OTOF: variants seen among roughly 807,000 people sequenced by gnomAD.
The protein encoded by OTOF is fer-1-like family member 2.
A neutral mutation model predicts 236.8 loss-of-function variants in OTOF; 218 were observed. That is an observed-to-expected ratio of 0.92 (90% CI 0.82 to 1.03). OTOF has a LOEUF of 1.03. Among genes scored for constraint, OTOF ranks in the 50% least tolerant of loss-of-function variants. The pLI is 0.00. For missense variants in OTOF, 2,590 were observed against 2,694.4 expected (o/e 0.96, Z 0.86); for synonymous variants, 1,041 against 1,072.5 (o/e 0.97, Z 0.57).
chr2:26,554,707 AG>A (rs1426470527), intron 1 of OTOF, among the ~76,000 whole-genome samples: 1 of 147,786 alleles, frequency 6.8e-6, no homozygotes. Flanking sequence ...GAGGTGTAAA[AG>A]GGTGTGGTAT....
intron 30 of OTOF, 54 bp downstream of exon 30, chr2:26,472,465 T>A: frequency 1.2e-6 from 2 of 1,610,186 alleles, no homozygotes; most frequent in Non-Finnish European, 8.5e-7. Context: ...ACAGGATGTG[T>A]CACACGAAGT....
intron 1 of OTOF, among the ~76,000 whole-genome samples, chr2:26,557,684 G>A (rs1398972278): frequency 1.3e-5 from 2 of 151,952 alleles, no homozygotes; most frequent in African/African-American, 4.8e-5. Context: ...GGTCCTTCGG[G>A]TATTAGCTGA....
chr2:26,478,160 G>T, intron 18 of OTOF: 1 of 658,640 alleles, frequency 1.5e-6, no homozygotes, highest in Non-Finnish European at 2.2e-6. Flanking sequence ...AGATGCCTGG[G>T]GGAAGAGGGA....
At chr2:26,541,541 G>A (rs1225095630) in intron 1 of OTOF, among the ~76,000 whole-genome samples, 1 of 152,206 alleles carries the variant, frequency 6.6e-6, no homozygotes, top group African/African-American at 2.4e-5. Flanking sequence ...TTTCAGGAGG[G>A]TATGTACAAA....
chr2:26,532,095 A>C (rs1666964262), intron 2 of OTOF, among the ~76,000 whole-genome samples: 3 of 57,646 alleles, frequency 5.2e-5, no homozygotes, highest in Non-Finnish European at 1.7e-4. Flanking sequence ...TCCACCTCAA[A>C]AAAAAAAAAA....
At chr2:26,491,892 A>G (rs1260965163) in intron 9 of OTOF, among the ~76,000 whole-genome samples, 2 of 152,212 alleles carry the variant, frequency 1.3e-5, no homozygotes, top group East Asian at 3.8e-4. Flanking sequence ...TCTGCAATCA[A>G]ATTCCTGTTA....
chr2:26,539,989 A>G (rs4290615), intron 1 of OTOF, among the ~76,000 whole-genome samples: 147,223 of 152,292 alleles, frequency 0.97, 71,355 homozygotes, highest in East Asian at 1. Context: ...GCTGGAGTGC[A>G]GTAGTGTAAT....
Position 26,519,197 on chromosome 2 carries a change from G to A in OTOF, c.228-88C>T, listed in dbSNP as rs551502582. The A allele has an allele frequency of 4.8e-5, 44 of 920,232 alleles. No individual in the cohort carries two copies. In the African/African-American group the frequency reaches 6.5e-4, roughly 14 times the overall value. The allele number at this position is 920,232 out of a possible 1,614,324, so 57.0% of individuals were successfully genotyped here. A position where few individuals can be genotyped will look rare whatever the true frequency, so the allele number is the denominator to read the frequency against. On this transcript the variant is annotated intron_variant, in intron 3 of 46. Coordinates refer to ENST00000272371, the MANE Select transcript of OTOF (RefSeq NM_194248.3). ...ACATCCCAAGGGCTGTGACTGCTTGGGGAGGACTCAGGTGGGCTTGCTCCA... is the reference window on the plus strand; with the variant it reads ...ACATCCCAAGGGCTGTGACTGCTTGAGGAGGACTCAGGTGGGCTTGCTCCA...
At chr2:26,519,204 C>T in intron 3 of OTOF, 95 bp from the exon 4 acceptor site, 3 of 846,222 alleles carry the variant, frequency 3.5e-6, no homozygotes, top group Non-Finnish European at 5.8e-6. Context: ...TTGGGGAGGA[C>T]TCAGGTGGGC....
chr2:26,475,927 C>T lies in OTOF; in HGVS notation c.2978G>A (p.Ser993Asn), dbSNP rs1665235664. The change falls in exon 24 of 47, where the codon AGT becomes AAT. Residue 993 changes from serine to asparagine, a missense_variant. Transcript: ENST00000272371. Reference protein sequence around the residue: ...PFARVFFINQSQCTEVLNETL... With the variant: ...PFARVFFINQNQCTEVLNETL... ...CCAGGCCCTCACCTCTGTGCACTGA[C>T]TCTGATTGATGAAGAAGACGCGGGC... is the stretch of plus-strand genomic sequence containing the variant. 1 of 1,609,162 alleles carries T rather than the reference C, an allele frequency of 6.2e-7. No individual in the cohort carries two copies. Among genetic ancestry groups the T allele is most frequent in the Non-Finnish European group, 8.5e-7 (1 of 1,178,272 alleles).
At chr2:26,466,164 C>T in intron 36 of OTOF, 88 bp from the exon 37 acceptor site, 1 of 1,533,936 alleles carries the variant, frequency 6.5e-7, no homozygotes, top group Non-Finnish European at 9.0e-7. Context: ...GGTCCTATGA[C>T]AGTGAAGGGC....
chr2:26,494,393 A>G (rs1665924188), intron 9 of OTOF, among the ~76,000 whole-genome samples: 1 of 152,268 alleles, frequency 6.6e-6, no homozygotes, highest in South Asian at 2.1e-4. Flanking sequence ...AAGAGGGCAG[A>G]ACCCCACTAG....
At chr2:26,528,230 C>A (rs946556565) in intron 2 of OTOF, among the ~76,000 whole-genome samples, 1 of 152,234 alleles carries the variant, frequency 6.6e-6, no homozygotes, top group Non-Finnish European at 1.5e-5. Context: ...CACAGCGCTG[C>A]TTCCATGGCC....
At chr2:26,526,327 ATGGATAAATGGG>A (rs1367180415) in intron 3 of OTOF, among the ~76,000 whole-genome samples, 1 of 151,888 alleles carries the variant, frequency 6.6e-6, no homozygotes, top group Non-Finnish European at 1.5e-5. Context: ...GAATGGATAG[ATGGATAAATGGG>A]TGGATAAATG....
Position 26,473,217 on chromosome 2 carries a change from T to C in OTOF, c.3648A>G (p.Thr1216=). ...VVDCRAFGRY[T]LVGSHAVSSL... ...AGCTGACGGCATGGGAGCCCACCAG[T>C]GTGTAGCGACCGAAGGCCCGGCAGT... is the stretch of plus-strand genomic sequence containing the variant. Residue 1216 remains threonine, a synonymous_variant, in exon 29 of 47, where the codon ACA becomes ACG. Transcript: ENST00000272371. The surrounding 1 kb of genome is among the most constrained non-coding windows in gnomAD (Gnocchi z 7.2). 1 of 1,612,952 alleles carries C rather than the reference T, an allele frequency of 6.2e-7. No homozygotes were observed. The highest frequency in any genetic ancestry group is 8.5e-7 in the Non-Finnish European group (1 of 1,179,892).
At chr2:26,522,694 T>C (rs759212756) in intron 3 of OTOF, among the ~76,000 whole-genome samples, 7 of 152,218 alleles carry the variant, frequency 4.6e-5, no homozygotes, top group Admixed American at 1.3e-4. Flanking sequence ...CCATGTGTTC[T>C]GTGGGAAGGA....
In OTOF at chr2:26,495,035, GCCCA is replaced by G. The variant is rs752288616; in HGVS notation, c.800_803del (p.Val267AlafsTer2). ...CGCACACCACAGGGTCCATGTTCAA[GCCCA>G]CCAGCTGCCGGGCCTCGATCACCGT... On this transcript the variant is annotated frameshift_variant, in exon 9 of 47. Coordinates refer to ENST00000272371, the MANE Select transcript of OTOF (RefSeq NM_194248.3). LOFTEE classifies it high-confidence loss of function. 1 of 1,614,140 alleles carries G rather than the reference GCCCA, an allele frequency of 6.2e-7. No individual in the cohort carries two copies. Among genetic ancestry groups the G allele is most frequent in the Non-Finnish European group, 8.5e-7 (1 of 1,179,978 alleles).
intron 1 of OTOF, among the ~76,000 whole-genome samples, chr2:26,545,524 G>A (rs1387604435): frequency 6.6e-6 from 1 of 151,948 alleles, no homozygotes; most frequent in Non-Finnish European, 1.5e-5. Flanking sequence ...TCTGTGACTA[G>A]CCAAAGAGAG....
At chr2:26,515,755 A>G (rs1289522890) in intron 5 of OTOF, among the ~76,000 whole-genome samples, 1 of 152,192 alleles carries the variant, frequency 6.6e-6, no homozygotes, top group African/African-American at 2.4e-5. Context: ...ATCTTACTAG[A>G]CTAGCCCAGA....
Sources: gnomAD v4.1 joint callset for allele counts (sites outside exome capture counted in the v4.1 genomes callset) on GRCh38, gnomAD v4.1.1 for gene constraint, Gnocchi (gnomAD v3.1) non-coding constraint, MANE v1.5 for transcripts, NCBI Gene and HGNC (gene_info 2026-07-23, HGNC 2026-07-21) for gene names.